PRKAR2B: variants seen among roughly 807,000 people sequenced by gnomAD.
PRKAR2B encodes protein kinase cAMP-dependent type II regulatory subunit beta, also known as cAMP-dependent protein kinase type II-beta regulatory subunit.
Under a neutral mutation model 49.9 loss-of-function variants are expected in PRKAR2B, and 14 were observed. That is an observed-to-expected ratio of 0.28 (90% confidence interval 0.19 to 0.44). The LOEUF (loss-of-function observed/expected upper bound fraction) is 0.44. PRKAR2B is among the 20% of genes least tolerant of loss of function. PRKAR2B has a pLI of 1.00. For missense variants in PRKAR2B, 393 were observed against 537.9 expected (o/e 0.73, Z 2.67); for synonymous variants, 196 against 197.7 (o/e 0.99, Z 0.07).
In PRKAR2B at chr7:107,155,616, G is replaced by T. The variant is rs7781336; in HGVS notation, c.919-1368G>T. Among the ~76,000 whole-genome samples, 958 of 151,950 alleles carry T rather than the reference G, an allele frequency of 6.3e-3. 15 individuals carry two copies. Among genetic ancestry groups the T allele is most frequent in the African/African-American group, 0.022 (910 of 41,492 alleles). Reference sequence around the variant, plus strand: ...TGGTTTTGATTTGCATTTCTCTAATGATCAGTAATGATCTTTTTTTCATTT... The same window carrying T: ...TGGTTTTGATTTGCATTTCTCTAATTATCAGTAATGATCTTTTTTTCATTT... On this transcript the variant is annotated intron_variant, in intron 8 of 10. Coordinates refer to ENST00000265717, the MANE Select transcript of PRKAR2B (RefSeq NM_002736.3).
chr7:107,122,137 T>C, intron 3 of PRKAR2B, 133 bp downstream of exon 3: 1 of 509,160 alleles, frequency 2.0e-6, no homozygotes, highest in Non-Finnish European at 3.3e-6. Flanking sequence ...CTGTTTCTTT[T>C]CCTAGTCTCA....
intron 3 of PRKAR2B, among the ~76,000 whole-genome samples, chr7:107,122,522 GC>G (rs1315879150): frequency 6.6e-6 from 1 of 152,104 alleles, no homozygotes; most frequent in East Asian, 1.9e-4. Flanking sequence ...CAGTTTTTAA[GC>G]TATGTCTTTC....
chr7:107,127,376 C>G (rs1404351438), intron 3 of PRKAR2B, among the ~76,000 whole-genome samples: 1 of 152,250 alleles, frequency 6.6e-6, no homozygotes, highest in African/African-American at 2.4e-5. Context: ...TAGTTACAAA[C>G]TGTTCATGTT....
Position 107,044,927 on chromosome 7 carries a change from C to T in PRKAR2B, c.20C>T (p.Ala7Val), listed in dbSNP as rs751926036. The T allele has an allele frequency of 2.5e-6, 4 of 1,598,570 alleles. No homozygotes were observed. The highest frequency in any genetic ancestry group is 2.3e-5 in the East Asian group (1 of 44,254). MSIEIPAGLTELLQGFT... is the reference protein window; with the variant it reads MSIEIPVGLTELLQGFT... ...GGCAGGATGAGCATCGAGATCCCGG[C>T]GGGACTGACGGAGCTGCTGCAGGGC... The change falls in exon 1 of 11, where the codon GCG becomes GTG. Residue 7 changes from alanine (A) to valine (V), a missense_variant. Physicochemically the swap from Ala to Val is moderately conservative, Grantham distance 64 (BLOSUM62 0). Coordinates refer to ENST00000265717, the MANE Select transcript of PRKAR2B (RefSeq NM_002736.3).
chr7:107,106,022 T>C (rs1795063723), intron 2 of PRKAR2B, among the ~76,000 whole-genome samples: 1 of 152,184 alleles, frequency 6.6e-6, no homozygotes, highest in Non-Finnish European at 1.5e-5. Flanking sequence ...AGCTTCCTCC[T>C]AATGTCAGGA....
intron 2 of PRKAR2B, among the ~76,000 whole-genome samples, chr7:107,071,157 T>G (rs1794266086): frequency 6.6e-6 from 1 of 152,242 alleles, no homozygotes; most frequent in Non-Finnish European, 1.5e-5. Context: ...AAAATTACTC[T>G]TTAAGTATAC....
At chr7:107,098,752 G>A (rs1040080027) in intron 2 of PRKAR2B, among the ~76,000 whole-genome samples, 4 of 152,188 alleles carry the variant, frequency 2.6e-5, no homozygotes, top group Admixed American at 6.5e-5. Flanking sequence ...ACCCTCAGCT[G>A]CAGGTCTGTT....
intron 2 of PRKAR2B, among the ~76,000 whole-genome samples, chr7:107,114,025 C>T (rs1195583036): frequency 6.6e-6 from 1 of 152,086 alleles, no homozygotes; most frequent in Non-Finnish European, 1.5e-5. Flanking sequence ...AATGCTCTGT[C>T]CTCTTAATTG....
chr7:107,077,157 T>G (rs1230866119), intron 2 of PRKAR2B: 1 of 152,220 alleles, frequency 6.6e-6, no homozygotes, highest in Admixed American at 6.5e-5. Flanking sequence ...TTTTTGAAAT[T>G]AGCTTCATTT....
chr7:107,050,769 G>A (rs1195989855), intron 1 of PRKAR2B, among the ~76,000 whole-genome samples: 1 of 152,248 alleles, frequency 6.6e-6, no homozygotes, highest in East Asian at 1.9e-4. Flanking sequence ...TAGAAACAAT[G>A]TGTGAAACTT....
intron 1 of PRKAR2B, among the ~76,000 whole-genome samples, chr7:107,057,399 G>A (rs1323861134): frequency 4.7e-5 from 7 of 150,462 alleles, no homozygotes; most frequent in African/African-American, 1.5e-4. Context: ...TTTCATAAAC[G>A]TGGTCACTAG....
chr7:107,046,294 G>T (rs1257091792), intron 1 of PRKAR2B, among the ~76,000 whole-genome samples: 1 of 152,208 alleles, frequency 6.6e-6, no homozygotes, highest in Non-Finnish European at 1.5e-5. Flanking sequence ...ATGCAGCATT[G>T]CACCAGCTTT....
chr7:107,051,054 A>G (rs1173340423), intron 1 of PRKAR2B, among the ~76,000 whole-genome samples: 4 of 152,304 alleles, frequency 2.6e-5, no homozygotes, highest in Non-Finnish European at 4.4e-5. Context: ...TGTATGATCA[A>G]TTTTGTTAAT....
chr7:107,048,526 A>C (rs1002122818), intron 1 of PRKAR2B, among the ~76,000 whole-genome samples: 11 of 152,304 alleles, frequency 7.2e-5, no homozygotes, highest in African/African-American at 2.2e-4. Context: ...TGACCATGCA[A>C]CTTGTGCCCA....
chr7:107,059,599 A>G (rs1323437461), intron 1 of PRKAR2B, among the ~76,000 whole-genome samples: 1 of 152,072 alleles, frequency 6.6e-6, no homozygotes, highest in Admixed American at 6.5e-5. Context: ...TTTTAACATT[A>G]CTTCTATGTA....
At chr7:107,078,494 T>TA (rs1277606297) in intron 2 of PRKAR2B, among the ~76,000 whole-genome samples, 13 of 152,266 alleles carry the variant, frequency 8.5e-5, no homozygotes, top group Non-Finnish European at 1.5e-4. Flanking sequence ...GGAAGCCATT[T>TA]AGGGGGCCTC....
rs1045579793 is a variant in PRKAR2B at position 107,079,518 on chromosome 7, G to A, written c.343+9202G>A. The A allele has an allele frequency of 3.9e-5, 6 of 152,182 alleles. No homozygotes were observed. The East Asian group carries it at 1.2e-3, about 29-fold the overall frequency. 9.4% of individuals were successfully genotyped at this position (152,182 alleles called of 1,614,324 possible). A position where few individuals can be genotyped will look rare whatever the true frequency, so the allele number is the denominator to read the frequency against. On this transcript the variant is annotated intron_variant, in intron 2 of 10. Coordinates refer to ENST00000265717, the MANE Select transcript of PRKAR2B (RefSeq NM_002736.3). ...AGGACAGCCTGCATGAATGAATGGTGCCCTTGAGTTGTCGAATGGTGGCGT... is the reference window on the plus strand; with the variant it reads ...AGGACAGCCTGCATGAATGAATGGTACCCTTGAGTTGTCGAATGGTGGCGT...
intron 2 of PRKAR2B, among the ~76,000 whole-genome samples, chr7:107,119,134 G>A (rs1345696858): frequency 1.3e-5 from 2 of 152,200 alleles, no homozygotes; most frequent in Admixed American, 6.5e-5. Context: ...TTAGGGGCTA[G>A]GCACTTAGAA....
chr7:107,071,929 C>G (rs1464610433), intron 2 of PRKAR2B, among the ~76,000 whole-genome samples: 1 of 151,544 alleles, frequency 6.6e-6, no homozygotes. Flanking sequence ...ATGAGCCGGG[C>G]GTGGTGGCGG....
Sources: allele counts gnomAD v4.1 joint callset (sites outside exome capture counted in the v4.1 genomes callset), GRCh38; gene constraint gnomAD v4.1.1; transcripts MANE v1.5; gene names NCBI Gene and HGNC (gene_info 2026-07-23, HGNC 2026-07-21).